ACTN1: variants seen among roughly 807,000 people sequenced by gnomAD.
ACTN1 encodes the protein alpha-actinin-1.
In ACTN1, 30 loss-of-function variants were observed where a neutral mutation model predicts 119.6. That is an observed-to-expected ratio of 0.25 (90% CI 0.19 to 0.34). The LOEUF is 0.34. Ranked by LOEUF, ACTN1 falls within the 10% of genes least tolerant of loss-of-function variation. The pLI is 1.00. For missense variants in ACTN1, 764 were observed against 1,223.4 expected, an observed-to-expected ratio of 0.62 and a Z score of 5.60; for synonymous variants, 429 against 472.6, an observed-to-expected ratio of 0.91 and a Z score of 1.20.
At chr14:68,914,085 G>A (rs979025236) in intron 3 of ACTN1, among the ~76,000 whole-genome samples, 5 of 151,912 alleles carry the variant, frequency 3.3e-5, no homozygotes, top group African/African-American at 1.2e-4. Flanking sequence ...AAACAGGCAT[G>A]GTAGTGCCTG....
In ACTN1 at chr14:68,887,970, C is replaced by T. The variant is rs1037392779; in HGVS notation, c.1234+2169G>A. ...TCTGAAGATTTATCCTTCACTGCTG[C>T]GTTTTTCGGCTTCGCTTCCACTTTT... On this transcript the variant is annotated intron_variant, in intron 11 of 21. Transcript: ENST00000394419. 2.4e-5 allele frequency: 19 copies of T among 790,542 alleles called. 1 individual carries two copies. The highest frequency in any genetic ancestry group is 3.4e-5 in the Non-Finnish European group (15 of 434,920). 49.0% of individuals were successfully genotyped at this position (790,542 alleles called of 1,614,324 possible). A position where few individuals can be genotyped will look rare whatever the true frequency, so the allele number is the denominator to read the frequency against.
Position 68,921,024 on chromosome 14 carries a change from C to CCAG in ACTN1, c.319_321dup (p.Leu107dup). The CCAG allele has an allele frequency of 6.2e-7, 1 of 1,614,120 alleles. No individual in the cohort carries two copies. Among genetic ancestry groups the CCAG allele is most frequent in the Non-Finnish European group, 8.5e-7 (1 of 1,179,992 alleles). On this transcript the variant is annotated inframe_insertion, in exon 3 of 22. Coordinates refer to ENST00000394419, the MANE Select transcript of ACTN1 (RefSeq NM_001130004.2). ...GCCTTACCTTCGGCTCCGATGGACA[C>CCAG]CAGTTTGACGCCTTTGCTGGCTATG... is the stretch of plus-strand genomic sequence containing the variant.
Position 68,882,812 on chromosome 14 carries a change from T to G in ACTN1, c.1818+61A>C. 1.3e-6 allele frequency: 2 copies of G among 1,580,458 alleles called. No homozygotes were observed. Among genetic ancestry groups the G allele is most frequent in the South Asian group, 1.1e-5 (1 of 89,274 alleles). ...TGAAATTGACAAAAATCAATTAAAA[T>G]GGACAAAAATCCCTGCCTTTATGAA... is the stretch of plus-strand genomic sequence containing the variant. On this transcript the variant is annotated intron_variant, in intron 15 of 21. Coordinates refer to ENST00000394419, the MANE Select transcript of ACTN1 (RefSeq NM_001130004.2). This position sits in a 1 kb window ranked among gnomAD's most constrained non-coding sequence, Gnocchi z 4.5.
rs1050139152 is a variant in ACTN1, at chr14:68,882,125, G to A, written c.1953+333C>T. 1.4e-4 allele frequency among the ~76,000 whole-genome samples: 21 copies of A among 151,744 alleles called. No homozygotes were observed. Among genetic ancestry groups the A allele is most frequent in the Non-Finnish European group, 1.9e-4 (13 of 67,950 alleles). On this transcript the variant is annotated intron_variant, in intron 16 of 21. Transcript: ENST00000394419. This position sits in a 1 kb window ranked among gnomAD's most constrained non-coding sequence, Gnocchi z 4.5. ...TGATTTTTGTATTTTTAGTAGAGAC[G>A]GGGTTTCACCATGTTGGCCAGGCTG...
Position 68,896,080 on chromosome 14 carries a change from G to A in ACTN1, c.763-2333C>T, listed in dbSNP as rs532294919. The stretch of plus-strand genomic sequence containing the variant: ...TTCAGAAATAACACACAAGTACCAC[G>A]GGAGACACAAGAGTGCTTTCTGTAT... On this transcript the variant is annotated intron_variant, in intron 8 of 21. Coordinates refer to ENST00000394419, the MANE Select transcript of ACTN1 (RefSeq NM_001130004.2). Among the ~76,000 whole-genome samples the A allele has an allele frequency of 3.9e-5, 6 of 152,260 alleles. No individual in the cohort carries two copies. In the East Asian group the frequency reaches 7.7e-4, roughly 20 times the overall value.
intron 16 of ACTN1, among the ~76,000 whole-genome samples, chr14:68,881,936 C>CCTTTTTTTT (rs2031552165): frequency 1.7e-5 from 1 of 58,394 alleles, no homozygotes; most frequent in African/African-American, 1.1e-4. Flanking sequence ...TAGGCAGCTT[C>CCTTTTTTTT]TTTTTTTTTT....
At chr14:68,915,650 T>C (rs990226917) in intron 3 of ACTN1, among the ~76,000 whole-genome samples, 24 of 152,336 alleles carry the variant, frequency 1.6e-4, no homozygotes, top group African/African-American at 5.8e-4. Context: ...AGGCCTGCCA[T>C]TGGCCCCCTG....
chr14:68,941,191 A>G (rs2035752984), intron 1 of ACTN1, among the ~76,000 whole-genome samples: 1 of 152,238 alleles, frequency 6.6e-6, no homozygotes, highest in Non-Finnish European at 1.5e-5. Flanking sequence ...GCCCAATGAC[A>G]AAAGGGGAGA....
intron 1 of ACTN1, among the ~76,000 whole-genome samples, chr14:68,950,548 AC>A (rs2036125803): frequency 6.7e-6 from 1 of 150,352 alleles, no homozygotes; most frequent in South Asian, 2.1e-4. Flanking sequence ...TTTTTATTTT[AC>A]CACAAGCATG....
intron 1 of ACTN1, chr14:68,977,796 C>A (rs1376306157): frequency 3.3e-6 from 1 of 304,898 alleles, no homozygotes; most frequent in East Asian, 1.1e-4. Flanking sequence ...GACGCGCCAT[C>A]CTGTCCCCCC....
chr14:68,942,131 C>T (rs2035779530), intron 1 of ACTN1, among the ~76,000 whole-genome samples: 1 of 152,184 alleles, frequency 6.6e-6, no homozygotes, highest in South Asian at 2.1e-4. Flanking sequence ...ATTTGCACCC[C>T]CGGGGTGGGA....
chr14:68,892,349 T>C, intron 9 of ACTN1, 66 bp from the exon 10 acceptor site: 1 of 1,510,140 alleles, frequency 6.6e-7, no homozygotes, highest in South Asian at 1.2e-5. Flanking sequence ...AGGGCCAGCC[T>C]CCCTTTCCTC....
chr14:68,888,690 T>A (rs2032228575), intron 11 of ACTN1, among the ~76,000 whole-genome samples: 1 of 152,108 alleles, frequency 6.6e-6, no homozygotes, highest in African/African-American at 2.4e-5. Flanking sequence ...GGGAGAGCAT[T>A]ACCACCTGAG....
At chr14:68,964,821 A>T (rs1282673124) in intron 1 of ACTN1, among the ~76,000 whole-genome samples, 1 of 152,180 alleles carries the variant, frequency 6.6e-6, no homozygotes, top group Non-Finnish European at 1.5e-5. Context: ...CGCCGCCACC[A>T]GGCTGCCTCT....
At chr14:68,897,990 T>C (rs997480047) in intron 8 of ACTN1, among the ~76,000 whole-genome samples, 1 of 152,214 alleles carries the variant, frequency 6.6e-6, no homozygotes, top group Non-Finnish European at 1.5e-5. Flanking sequence ...TTGCTAAGCC[T>C]TCCCCCCACA....
At chr14:68,929,539 T>C (rs554697387) in intron 1 of ACTN1, among the ~76,000 whole-genome samples, 157 of 152,284 alleles carry the variant, frequency 1.0e-3, no homozygotes, top group Middle Eastern at 3.4e-3. Flanking sequence ...CCTTGGGCCA[T>C]ACTCAGGCTC....
At chr14:68,923,861 G>A (rs775535207) in intron 2 of ACTN1, among the ~76,000 whole-genome samples, 23 of 152,056 alleles carry the variant, frequency 1.5e-4, no homozygotes, top group Non-Finnish European at 2.6e-4. Context: ...AGTGACCACC[G>A]ACAGGTGAAT....
At chr14:68,947,706 C>G (rs1302417247) in intron 1 of ACTN1, among the ~76,000 whole-genome samples, 1 of 152,180 alleles carries the variant, frequency 6.6e-6, no homozygotes, top group Non-Finnish European at 1.5e-5. Context: ...AAGGGGCATC[C>G]TACTGCATGG....
intron 1 of ACTN1, among the ~76,000 whole-genome samples, chr14:68,961,699 C>A (rs1039408848): frequency 2.0e-5 from 3 of 152,150 alleles, no homozygotes; most frequent in Admixed American, 6.5e-5. Context: ...TCTTGCAATA[C>A]CCCCGACATG....
Sources: gnomAD v4.1 joint callset for allele counts (sites outside exome capture counted in the v4.1 genomes callset) on GRCh38, gnomAD v4.1.1 for gene constraint, Gnocchi (gnomAD v3.1) non-coding constraint, MANE v1.5 for transcripts, NCBI Gene and HGNC (gene_info 2026-07-23, HGNC 2026-07-21) for gene names.